ARFGEF1: variants seen among roughly 807,000 people sequenced by gnomAD.
ARFGEF1 encodes the protein ARF guanine nucleotide exchange factor 1, also known as brefeldin A-inhibited guanine nucleotide-exchange protein 1.
In ARFGEF1, 42 loss-of-function variants were observed where a neutral mutation model predicts 231.0. The observed-to-expected ratio is 0.18, with a 90% confidence interval of 0.14 to 0.24. ARFGEF1 has a LOEUF of 0.24. Among genes scored for constraint, ARFGEF1 ranks in the 10% least tolerant of loss-of-function variants. ARFGEF1 has a pLI of 1.00. For synonymous variants in ARFGEF1, 710 were observed against 732.3 expected (o/e 0.97, Z 0.49); for missense variants, 1,345 against 2,192.0 (o/e 0.61, Z 7.72).
chr8:67,275,624 C>G (rs1299614458), intron 9 of ARFGEF1, among the ~76,000 whole-genome samples: 1 of 152,096 alleles, frequency 6.6e-6, no homozygotes, highest in Non-Finnish European at 1.5e-5. Context: ...TTAATTCATT[C>G]ATTTGGTAAT....
In ARFGEF1 at chr8:67,214,125, C is replaced by A. The variant is rs138061194; in HGVS notation, c.4686+2465G>T. On this transcript the variant is annotated intron_variant, in intron 33 of 38. Coordinates refer to ENST00000262215, the MANE Select transcript of ARFGEF1 (RefSeq NM_006421.5). ...TGTCAAATGTAGTTCTGGTGAGGAT[C>A]CACAAGGAAGTGCAATGTGTGAGAG... Among the ~76,000 whole-genome samples, 303 of 152,256 alleles carry A rather than the reference C, an allele frequency of 2.0e-3. 2 individuals carry two copies. The highest frequency in any genetic ancestry group is 3.4e-3 in the Middle Eastern group (1 of 294).
intron 6 of ARFGEF1, among the ~76,000 whole-genome samples, chr8:67,291,419 C>T (rs1462348245): frequency 2.1e-5 from 3 of 145,596 alleles, no homozygotes; most frequent in African/African-American, 5.0e-5. Context: ...AATTTCAGTA[C>T]TTTTTTTTTT....
intron 32 of ARFGEF1, 123 bp from the exon 33 acceptor site, chr8:67,216,785 A>C (rs966874243): frequency 3.3e-6 from 2 of 601,120 alleles, no homozygotes; most frequent in East Asian, 6.3e-5. Flanking sequence ...ATCTTTGACC[A>C]CTGCTAATTT....
Position 67,244,266 on chromosome 8 carries a change from A to AAAAAAAAAACAAAACAAAAC in ARFGEF1, c.2851-3977_2851-3976insGTTTTGTTTTGTTTTTTTTT, listed in dbSNP as rs1563860748. Among the ~76,000 whole-genome samples, 8 of 17,208 alleles carry AAAAAAAAAACAAAACAAAAC rather than the reference A, an allele frequency of 4.6e-4. 1 individual carries two copies. Among genetic ancestry groups the AAAAAAAAAACAAAACAAAAC allele is most frequent in the African/African-American group, 2.4e-3 (8 of 3,398 alleles). 11.3% of individuals were successfully genotyped at this position (17,208 alleles called of 152,430 possible). On this transcript the variant is annotated intron_variant, in intron 19 of 38. Transcript: ENST00000262215. ...TCAAAAAAAAAAAAAAAAAAAAAAA[A>AAAAAAAAAACAAAACAAAAC]AACATTCGACTACTGAGTCTCTCGT... is the stretch of plus-strand genomic sequence containing the variant.
chr8:67,251,531 A>C (rs1028592125), intron 18 of ARFGEF1, 81 bp from the exon 19 acceptor site: 18 of 1,285,342 alleles, frequency 1.4e-5, no homozygotes, highest in South Asian at 6.9e-5. Context: ...CAAATAATAA[A>C]CACCACCAGT....
At chr8:67,174,984 G>A (rs1016253539), downstream of ARFGEF1, 3 of 297,966 alleles carry the variant, frequency 1.0e-5, no homozygotes, top group Non-Finnish European at 1.9e-5. Flanking sequence ...ATACCTGCAC[G>A]TAGTCTGTGT....
intron 14 of ARFGEF1, among the ~76,000 whole-genome samples, chr8:67,265,568 A>G (rs1224579997): frequency 6.6e-6 from 1 of 152,200 alleles, no homozygotes; most frequent in East Asian, 1.9e-4. Context: ...TGATCACCTC[A>G]TCAACATATA....
At chr8:67,336,030 T>G (rs1587347796) in intron 1 of ARFGEF1, among the ~76,000 whole-genome samples, 1 of 152,306 alleles carries the variant, frequency 6.6e-6, no homozygotes, top group South Asian at 2.1e-4. Flanking sequence ...ATTACAGGCG[T>G]GAGCCACCGC....
chr8:67,234,275 T>C (rs552140322), intron 22 of ARFGEF1, among the ~76,000 whole-genome samples: 1 of 152,168 alleles, frequency 6.6e-6, no homozygotes, highest in Non-Finnish European at 1.5e-5. Context: ...GAGACAGATA[T>C]GTTTATAATG....
At chr8:67,285,367 A>G (rs1805711045) in intron 7 of ARFGEF1, among the ~76,000 whole-genome samples, 1 of 151,976 alleles carries the variant, frequency 6.6e-6, no homozygotes, top group Non-Finnish European at 1.5e-5. Flanking sequence ...AAATACAAAA[A>G]CTAGCCGGGC....
chr8:67,244,664 C>G (rs1315716312), intron 19 of ARFGEF1, among the ~76,000 whole-genome samples: 2 of 149,310 alleles, frequency 1.3e-5, no homozygotes, highest in African/African-American at 2.5e-5. Context: ...TGAAGACAGG[C>G]TATCTGAAAA....
In ARFGEF1 at chr8:67,343,678, G is replaced by A. The variant is rs1439635616; in HGVS notation, c.-391C>T. ...TGGCGGCGGCTCTCAGAGGCACCGC[G>A]AGAGAAGGGCTACCCTGGCTACTGT... On this transcript the variant is annotated 5_prime_UTR_variant, in exon 1 of 39. Coordinates refer to ENST00000262215, the MANE Select transcript of ARFGEF1 (RefSeq NM_006421.5). 3 of 906,046 alleles carry A rather than the reference G, an allele frequency of 3.3e-6. No individual in the cohort carries two copies. The highest frequency in any genetic ancestry group is 4.0e-6 in the Non-Finnish European group (3 of 752,220). 56.1% of individuals were successfully genotyped at this position (906,046 alleles called of 1,614,324 possible).
At chr8:67,241,243 G>C (rs73258605) in intron 19 of ARFGEF1, among the ~76,000 whole-genome samples, 3,672 of 152,238 alleles carry the variant, frequency 0.024, 90 homozygotes, top group African/African-American at 0.065. Flanking sequence ...CTAGGTTCTA[G>C]TCTCAGCTCC....
intron 31 of ARFGEF1, 33 bp from the exon 32 acceptor site, chr8:67,217,953 T>G: frequency 6.2e-7 from 1 of 1,612,712 alleles, no homozygotes; most frequent in Non-Finnish European, 8.5e-7. Context: ...ATTTATATAT[T>G]ACCAGGGTCA....
At chr8:67,307,480 GA>G (rs1188443312) in intron 1 of ARFGEF1, among the ~76,000 whole-genome samples, 1 of 152,210 alleles carries the variant, frequency 6.6e-6, no homozygotes, top group African/African-American at 2.4e-5. Context: ...AAGAAGAATG[GA>G]ACAATCTCAT....
chr8:67,343,087 G>GGGC, intron 1 of ARFGEF1, 77 bp downstream of exon 1: 3 of 971,350 alleles, frequency 3.1e-6, no homozygotes, highest in Non-Finnish European at 4.4e-6. Flanking sequence ...AGCCCCGGGC[G>GGGC]ACCCCACCCC....
intron 22 of ARFGEF1, among the ~76,000 whole-genome samples, chr8:67,236,125 T>C (rs1839727117): frequency 6.7e-6 from 1 of 150,188 alleles, no homozygotes; most frequent in Non-Finnish European, 1.5e-5. Context: ...TGAAACCCTG[T>C]CTCTACTAAA....
At chr8:67,220,484 A>G (rs1280813354) in intron 29 of ARFGEF1, among the ~76,000 whole-genome samples, 1 of 152,228 alleles carries the variant, frequency 6.6e-6, no homozygotes, top group East Asian at 1.9e-4. Flanking sequence ...TAGGTTCTCA[A>G]CAAGATTTTG....
At chr8:67,236,862 A>AT (rs1294197783) in intron 22 of ARFGEF1, among the ~76,000 whole-genome samples, 5 of 152,212 alleles carry the variant, frequency 3.3e-5, no homozygotes, top group African/African-American at 1.2e-4. Context: ...TTCATCTCAT[A>AT]TCCTTGCAAC....
Sources: gnomAD v4.1 joint callset for allele counts (sites outside exome capture counted in the v4.1 genomes callset) on GRCh38, gnomAD v4.1.1 for gene constraint, MANE v1.5 for transcripts, NCBI Gene and HGNC (gene_info 2026-07-23, HGNC 2026-07-21) for gene names.